The following ZNF564 variants were observed in gnomAD, a reference collection of about 807,000 sequenced individuals.
ZNF564 encodes the protein zinc finger protein 564.
Under a neutral mutation model 10.5 loss-of-function variants are expected in ZNF564, and 5 were observed. The ratio of observed to expected loss-of-function variants is 0.48; its 90% confidence interval spans 0.25 to 1.00. The LOEUF (loss-of-function observed/expected upper bound fraction) is 1.00. Ranked by LOEUF, ZNF564 falls within the 50% of genes least tolerant of loss-of-function variation. The pLI is 0.16. For missense variants in ZNF564, 603 were observed against 669.7 expected, an observed-to-expected ratio of 0.90 and a Z score of 1.10; for synonymous variants, 242 against 218.1, an observed-to-expected ratio of 1.11 and a Z score of -0.97.
At chr19:12,543,136 G>A (rs1292372002) in intron 1 of ZNF564, among the ~76,000 whole-genome samples, 1 of 151,232 alleles carries the variant, frequency 6.6e-6, no homozygotes, top group African/African-American at 2.4e-5. Context: ...CCTTGTCTTT[G>A]TAAAAATACA....
At chr19:12,548,740 TACTAATATTTAATTC>T (rs1465094613) in intron 1 of ZNF564, 9 of 697,436 alleles carry the variant, frequency 1.3e-5, no homozygotes, top group Non-Finnish European at 2.3e-5. Flanking sequence ...ACAACTTCTT[TACTAATATTTAATTC>T]ACTAATATTT....
intron 1 of ZNF564, among the ~76,000 whole-genome samples, chr19:12,549,415 A>C (rs1237487151): frequency 1.3e-5 from 2 of 151,982 alleles, no homozygotes. Context: ...TCAGTGACCA[A>C]CCTCCCTGAA....
chr19:12,548,035 T>TCACCTCAGGTGATCCACC, intron 1 of ZNF564: 1 of 361,308 alleles, frequency 2.8e-6, no homozygotes, highest in African/African-American at 2.2e-5. Context: ...GGTCTCAAAC[T>TCACCTCAGGTGATCCACC]CACCTCAGGT....
intron 1 of ZNF564, among the ~76,000 whole-genome samples, chr19:12,529,148 T>C (rs923624854): frequency 6.6e-6 from 1 of 152,184 alleles, no homozygotes; most frequent in Admixed American, 6.5e-5. Flanking sequence ...TAAATAAATA[T>C]GGTTGTCAGA....
chr19:12,543,669 G>A (rs1328420987), intron 1 of ZNF564, among the ~76,000 whole-genome samples: 3 of 91,096 alleles, frequency 3.3e-5, no homozygotes, highest in East Asian at 3.0e-4. Context: ...GCGAGACTTC[G>A]TCTCAAAAAA....
At chr19:12,537,357 C>T (rs1410141969) in intron 1 of ZNF564, among the ~76,000 whole-genome samples, 1 of 152,116 alleles carries the variant, frequency 6.6e-6, no homozygotes, top group South Asian at 2.1e-4. Context: ...ATTCCCTAAA[C>T]AACACAATAT....
intron 1 of ZNF564, among the ~76,000 whole-genome samples, chr19:12,540,082 G>C (rs1370855456): frequency 6.6e-6 from 1 of 152,118 alleles, no homozygotes; most frequent in Non-Finnish European, 1.5e-5. Flanking sequence ...TAACTGACTG[G>C]CTTAAAATAA....
At chr19:12,551,010 G>C (rs2022246639) in intron 1 of ZNF564, among the ~76,000 whole-genome samples, 1 of 152,244 alleles carries the variant, frequency 6.6e-6, no homozygotes, top group Non-Finnish European at 1.5e-5. Context: ...CACCCGAGAC[G>C]GGATTCCGCC....
intron 1 of ZNF564, among the ~76,000 whole-genome samples, chr19:12,539,607 G>T (rs2145082888): frequency 6.6e-6 from 1 of 151,338 alleles, no homozygotes; most frequent in Non-Finnish European, 1.5e-5. Context: ...GGCAGAGGTA[G>T]CAGTGAGCCG....
Position 12,526,300 on chromosome 19 carries a change from G to C in ZNF564, c.*146C>G, listed in dbSNP as rs1382742691. The C allele has an allele frequency of 6.0e-6, 5 of 835,654 alleles. No individual in the cohort carries two copies. Among genetic ancestry groups the C allele is most frequent in the Non-Finnish European group, 8.9e-6 (5 of 562,854 alleles). The allele number at this position is 835,654 out of a possible 1,614,324, so 51.8% of individuals were successfully genotyped here. ...AACTAGTCATGTATTTCCAAAATAT[G>C]AGACAGGCACAGGATAGAGATTCCT... On this transcript the variant is annotated 3_prime_UTR_variant, in exon 4 of 4. Transcript: ENST00000339282.
intron 1 of ZNF564, 42 bp downstream of exon 1, chr19:12,551,288 G>GC: frequency 6.3e-7 from 1 of 1,595,074 alleles, no homozygotes; most frequent in Non-Finnish European, 8.5e-7. Context: ...GTTCCCACAA[G>GC]CCCCTCCCCC....
At chr19:12,550,983 C>A (rs898643691) in intron 1 of ZNF564, among the ~76,000 whole-genome samples, 1 of 152,244 alleles carries the variant, frequency 6.6e-6, no homozygotes, top group African/African-American at 2.4e-5. Context: ...CACAGCTCTT[C>A]CCATGCACGA....
chr19:12,538,727 T>C (rs571517040), intron 1 of ZNF564, among the ~76,000 whole-genome samples: 2 of 151,998 alleles, frequency 1.3e-5, no homozygotes, highest in Admixed American at 6.6e-5. Flanking sequence ...GAAGGATACT[T>C]GAGTACAAGA....
intron 1 of ZNF564, among the ~76,000 whole-genome samples, chr19:12,545,827 T>C (rs1001922610): frequency 6.6e-6 from 1 of 152,274 alleles, no homozygotes; most frequent in East Asian, 1.9e-4. Flanking sequence ...TCTGAATGTC[T>C]TTGCTCAAAA....
chr19:12,551,264 G>A, intron 1 of ZNF564, 66 bp downstream of exon 1: 1 of 1,554,884 alleles, frequency 6.4e-7, no homozygotes, highest in Non-Finnish European at 8.7e-7. Context: ...TGCTTCCACA[G>A]CCGGTTCCGG....
chr19:12,527,607 T>C lies in ZNF564; in HGVS notation c.501A>G (p.Lys167=), dbSNP rs747545614. ...TCCCACATTCCGGACATGCATAGGG[T>C]TTCTCACCAGTGTGAGTTCTTTCAT... is the stretch of plus-strand genomic sequence containing the variant. ...RRHERTHTGE[K]PYACPECGKA... is the part of the protein sequence containing the mutation. The change falls in exon 4 of 4, where the codon AAA becomes AAG. Residue 167 remains lysine, a synonymous_variant. Transcript: ENST00000339282. The C allele has an allele frequency of 1.9e-6, 3 of 1,614,200 alleles. No homozygotes were observed. The highest frequency in any genetic ancestry group is 2.2e-5 in the South Asian group (2 of 91,086).
intron 1 of ZNF564, among the ~76,000 whole-genome samples, chr19:12,536,131 G>A (rs904102052): frequency 2.0e-5 from 3 of 151,910 alleles, no homozygotes; most frequent in Non-Finnish European, 4.4e-5. Flanking sequence ...GTTACAAAAA[G>A]TTAAAATGAA....
At chr19:12,533,684 G>A (rs1479997388) in intron 1 of ZNF564, among the ~76,000 whole-genome samples, 19 of 120,252 alleles carry the variant, frequency 1.6e-4, no homozygotes, top group African/African-American at 6.2e-4. Context: ...CCAAGATCAT[G>A]CCACTGCACT....
chr19:12,539,959 T>C (rs900637622), intron 1 of ZNF564, among the ~76,000 whole-genome samples: 7 of 142,058 alleles, frequency 4.9e-5, no homozygotes, highest in South Asian at 2.2e-4. Flanking sequence ...CCAGCCTGGG[T>C]AACAGAACGA....
Sources: gnomAD v4.1 joint callset for allele counts (sites outside exome capture counted in the v4.1 genomes callset) on GRCh38, gnomAD v4.1.1 for gene constraint, MANE v1.5 for transcripts, NCBI Gene and HGNC (gene_info 2026-07-23, HGNC 2026-07-21) for gene names.